The following PGBD1 variants were observed in gnomAD, a reference collection of about 807,000 sequenced individuals.
PGBD1 encodes the protein piggyBac transposable element-derived protein 1.
Under a neutral mutation model 34.7 loss-of-function variants are expected in PGBD1, and 25 were observed. The ratio of observed to expected loss-of-function variants is 0.72; its 90% CI spans 0.52 to 1.00. The LOEUF is 1.00. Among genes scored for constraint, PGBD1 ranks in the 50% least tolerant of loss-of-function variants. PGBD1 has a pLI of 0.00. For missense variants in PGBD1, 830 were observed against 959.4 expected, an observed-to-expected ratio of 0.87 and a Z score of 1.78; for synonymous variants, 292 against 335.7, an observed-to-expected ratio of 0.87 and a Z score of 1.42.
chr6:28,292,226 G>A (rs530161518), intron 4 of PGBD1, among the ~76,000 whole-genome samples: 4 of 152,226 alleles, frequency 2.6e-5, no homozygotes, highest in South Asian at 4.1e-4. Context: ...AACAAACTAA[G>A]TAAAGTTGCA....
Position 28,302,270 on chromosome 6 carries a change from C to G in PGBD1, c.2416C>G (p.His806Asp), listed in dbSNP as rs6456811. ...ACATTTCTACTTGGAACACAATGCT[C>G]ATCTGTCAGATTAGGGTACATAAAA... ...VAHFYLEHNAHLSD is the reference protein window; with the variant it reads ...VAHFYLEHNADLSD The change falls in exon 7 of 7, where the codon CAT (histidine) becomes GAT (aspartate). Residue 806 changes from histidine (H) to aspartate (D), a missense_variant. This residue lies in a region of PGBD1 where 372 missense variants were observed against 427.9 expected (regional missense o/e 0.87). Coordinates refer to ENST00000682144, the MANE Select transcript of PGBD1 (RefSeq NM_032507.4). 238,952 of 1,610,394 alleles carry G rather than the reference C, an allele frequency of 0.15. 22,500 individuals carry two copies. The highest frequency in any genetic ancestry group is 0.4 in the African/African-American group (30,019 of 74,818).
At chr6:28,298,654 A>G (rs1363816455) in intron 6 of PGBD1, among the ~76,000 whole-genome samples, 2 of 152,180 alleles carry the variant, frequency 1.3e-5, no homozygotes, top group African/African-American at 2.4e-5. Flanking sequence ...ATAGGTCAAA[A>G]GGAAAGTTAG....
intron 4 of PGBD1, among the ~76,000 whole-genome samples, chr6:28,291,488 C>T (rs562672906): frequency 6.6e-6 from 1 of 151,296 alleles, no homozygotes; most frequent in Admixed American, 6.6e-5. Flanking sequence ...GACCTGTTGG[C>T]TTCCCTGCTG....
intron 4 of PGBD1, among the ~76,000 whole-genome samples, chr6:28,296,465 C>A (rs567389833): frequency 1.3e-5 from 2 of 152,278 alleles, no homozygotes; most frequent in South Asian, 4.1e-4. Flanking sequence ...CAGTATCATC[C>A]TATAAAAACT....
intron 4 of PGBD1, 88 bp downstream of exon 4, chr6:28,287,256 C>G: frequency 8.6e-7 from 1 of 1,167,522 alleles, no homozygotes; most frequent in Non-Finnish European, 1.3e-6. Context: ...GGCTCACACT[C>G]ATCATCGTGA....
At position 28,302,492 on chromosome 6, in the gene PGBD1, C is replaced by T. The variant is rs1762879337; in HGVS notation, c.*208C>T. On this transcript the variant is annotated 3_prime_UTR_variant, in exon 7 of 7. Coordinates refer to ENST00000682144, the MANE Select transcript of PGBD1 (RefSeq NM_032507.4). ...TCTGTGAGAATGTTGAACTGTAGTA[C>T]CTTTCTCTATGTCAAGTTTTGTGTC... 1.9e-6 allele frequency: 1 copy of T among 521,484 alleles called. No homozygotes were observed. Among genetic ancestry groups the T allele is most frequent in the Non-Finnish European group, 3.2e-6 (1 of 309,030 alleles). The allele number at this position is 521,484 out of a possible 1,614,324, so 32.3% of individuals were successfully genotyped here.
intron 4 of PGBD1, among the ~76,000 whole-genome samples, chr6:28,291,550 C>CAAAAAAAAAAAAAAAAAAAAAA (rs56160771): frequency 8.3e-6 from 1 of 120,620 alleles, no homozygotes; most frequent in African/African-American, 2.9e-5. Context: ...TCAAATTCTT[C>CAAAAAAAAAAAAAAAAAAAAAA]AAAAAAAAAA....
In PGBD1 at chr6:28,284,116, G is replaced by T; in HGVS notation, c.303G>T (p.Gln101His). ...TGACCATCCTGCCCAAGGAGCTCCA[G>T]CCCTGTGTGAAGACATATCCTCTGG... ...QFLTILPKELQPCVKTYPLES... is the reference protein window; with the variant it reads ...QFLTILPKELHPCVKTYPLES... The change falls in exon 2 of 7, where the codon CAG (glutamine) becomes CAT (histidine). Residue 101 changes from glutamine to histidine, a missense_variant. Coordinates refer to ENST00000682144, the MANE Select transcript of PGBD1 (RefSeq NM_032507.4). 6.2e-7 allele frequency: 1 copy of T among 1,614,036 alleles called. No homozygotes were observed. Among genetic ancestry groups the T allele is most frequent in the South Asian group, 1.1e-5 (1 of 91,076 alleles).
At chr6:28,284,357 C>T in intron 2 of PGBD1, 148 bp downstream of exon 2, 2 of 949,076 alleles carry the variant, frequency 2.1e-6, no homozygotes, top group Non-Finnish European at 2.9e-6. Flanking sequence ...TCCAAATTTG[C>T]CAGTTGTTAA....
At chr6:28,286,988 CAT>C in intron 3 of PGBD1, 90 bp from the exon 4 acceptor site, 1 of 935,484 alleles carries the variant, frequency 1.1e-6, no homozygotes, top group Non-Finnish European at 1.7e-6. Context: ...GTTTAACAAA[CAT>C]AACATTTGGG....
chr6:28,301,000 A>G lies in PGBD1; in HGVS notation c.1146A>G (p.Val382=), dbSNP rs1762819570. 3 of 1,614,082 alleles carry G rather than the reference A, an allele frequency of 1.9e-6. No homozygotes were observed. Among genetic ancestry groups the G allele is most frequent in the South Asian group, 2.2e-5 (2 of 91,092 alleles). The change falls in exon 7 of 7, where the codon GTA becomes GTG. Residue 382 remains valine, a synonymous_variant. Transcript: ENST00000682144. This position sits in a 1 kb window ranked among gnomAD's most constrained non-coding sequence, Gnocchi z 4.0. ...EIQPAQKKLK[V]SCFPEKSWTK... is the part of the protein sequence containing the mutation. ...AGCCTGCTCAAAAGAAGTTAAAGGT[A>G]TCATGTTTCCCAGAAAAGAGTTGGA... is the stretch of plus-strand genomic sequence containing the variant.
rs1278679295 is a variant in PGBD1 at position 28,300,603 on chromosome 6, ATAAG to A, written c.870-114_870-111del. 1 of 1,162,464 alleles carries A rather than the reference ATAAG, an allele frequency of 8.6e-7. No homozygotes were observed. Among genetic ancestry groups the A allele is most frequent in the South Asian group, 1.7e-5 (1 of 60,228 alleles). 72.0% of individuals were successfully genotyped at this position (1,162,464 alleles called of 1,614,324 possible). On this transcript the variant is annotated intron_variant, in intron 6 of 6. Coordinates refer to ENST00000682144, the MANE Select transcript of PGBD1 (RefSeq NM_032507.4). This position sits in a 1 kb window ranked among gnomAD's most constrained non-coding sequence, Gnocchi z 4.0. ...TCCTCCCCATGGAAACTTAAGAGAA[ATAAG>A]TAAGTATCCCCCCACACCCACCCCA...
At chr6:28,292,972 C>G (rs1489031839) in intron 4 of PGBD1, among the ~76,000 whole-genome samples, 1 of 152,032 alleles carries the variant, frequency 6.6e-6, no homozygotes, top group African/African-American at 2.4e-5. Flanking sequence ...TTGAGACAGT[C>G]TTGCTCTGTT....
intron 1 of PGBD1, among the ~76,000 whole-genome samples, chr6:28,282,869 A>C (rs935464989): frequency 1.3e-5 from 2 of 152,206 alleles, no homozygotes; most frequent in African/African-American, 2.4e-5. Flanking sequence ...GACTAAGGAG[A>C]TCACAAAGGA....
Position 28,296,831 on chromosome 6 carries a change from G to A in PGBD1, c.658G>A (p.Glu220Lys). ...GTCTTTTTAGACATTGGTGAAGACT[G>A]AGGAAGAAACAGCCCAGGCCGTTGC... Reference protein sequence around the residue: ...PVRSQTLVKTEEETAQAVAAE... With the variant: ...PVRSQTLVKTKEETAQAVAAE... The change falls in exon 5 of 7, where the codon GAG becomes AAG. Residue 220 changes from glutamate (E) to lysine (K), a missense_variant. By Grantham distance (56) the Glu-to-Lys change is moderately conservative. Coordinates refer to ENST00000682144, the MANE Select transcript of PGBD1 (RefSeq NM_032507.4). 6.2e-7 allele frequency: 1 copy of A among 1,614,130 alleles called. No homozygotes were observed. Among genetic ancestry groups the A allele is most frequent in the African/African-American group, 1.3e-5 (1 of 75,048 alleles).
intron 1 of PGBD1, among the ~76,000 whole-genome samples, chr6:28,282,246 C>T (rs1322798045): frequency 6.6e-6 from 1 of 152,190 alleles, no homozygotes; most frequent in Non-Finnish European, 1.5e-5. Flanking sequence ...AAGACCATGG[C>T]TTTCTTGAAA....
chr6:28,302,201 C>T lies in PGBD1; in HGVS notation c.2347C>T (p.Pro783Ser). The change falls in exon 7 of 7, where the codon CCA becomes TCA. Residue 783 changes from proline (P) to serine (S), a missense_variant. Transcript: ENST00000682144. ...NAWQLHRACN[P>S]GASLDPLDFR... ...ATGGCAACTACACAGAGCCTGTAAC[C>T]CAGGTGCTTCTCTAGACCCCTTGGA... 1 of 1,614,098 alleles carries T rather than the reference C, an allele frequency of 6.2e-7. No individual in the cohort carries two copies. Among genetic ancestry groups the T allele is most frequent in the Admixed American group, 1.7e-5 (1 of 60,012 alleles).
intron 4 of PGBD1, among the ~76,000 whole-genome samples, chr6:28,290,336 T>C (rs1762408471): frequency 6.6e-6 from 1 of 152,170 alleles, no homozygotes; most frequent in Non-Finnish European, 1.5e-5. Context: ...CCTCAAGCAG[T>C]CTGCCCACCT....
At chr6:28,299,091 T>C (rs1762742347) in intron 6 of PGBD1, among the ~76,000 whole-genome samples, 1 of 152,148 alleles carries the variant, frequency 6.6e-6, no homozygotes, top group African/African-American at 2.4e-5. Context: ...TGAGCCAGGC[T>C]CCACTAAAGG....
Sources: gnomAD v4.1 joint callset for allele counts (sites outside exome capture counted in the v4.1 genomes callset) on GRCh38, gnomAD v4.1.1 for gene constraint, gnomAD v4.1.1 regional missense constraint, Gnocchi (gnomAD v3.1) non-coding constraint, MANE v1.5 for transcripts, NCBI Gene and HGNC (gene_info 2026-07-23, HGNC 2026-07-21) for gene names.